The following ADAMTS7 variants were observed in gnomAD, a reference collection of about 807,000 sequenced individuals.
ADAMTS7 encodes A disintegrin and metalloproteinase with thrombospondin motifs 7.
In ADAMTS7, 89 loss-of-function variants were observed where a neutral mutation model predicts 172.6. That is an observed-to-expected ratio of 0.52 (90% CI 0.43 to 0.61). The LOEUF (loss-of-function observed/expected upper bound fraction) is 0.61, where lower values mean the gene tolerates loss of function less well. Ranked by LOEUF, ADAMTS7 falls within the 20% of genes least tolerant of loss-of-function variation. The pLI is 0.00. For synonymous variants in ADAMTS7, 885 were observed against 978.4 expected (o/e 0.90, Z 1.78); for missense variants, 1,973 against 2,355.6 (o/e 0.84, Z 3.36).
At position 78,771,287 on chromosome 15, in the gene ADAMTS7, C is replaced by A. The variant is rs1438133659; in HGVS notation, c.2393G>T (p.Ser798Ile). 6.2e-7 allele frequency: 1 copy of A among 1,612,812 alleles called. No homozygotes were observed. Among genetic ancestry groups the A allele is most frequent in the South Asian group, 1.1e-5 (1 of 90,984 alleles). ...PVWIQLLFQE[S>I]NPGVHYEYTI... ...GTACTCGTAGTGCACCCCAGGGTTG[C>A]TCTCCTGGAACAGCAGCTGGGTGGG... The change falls in exon 16 of 24, where the codon AGC becomes ATC. Residue 798 changes from serine (S) to isoleucine (I), a missense_variant. By Grantham distance (142) the Ser-to-Ile change is moderately radical (BLOSUM62 -2). Transcript: ENST00000388820. The surrounding 1 kb of genome is among the most constrained non-coding windows in gnomAD (Gnocchi z 4.9).
rs61748712 is a variant in ADAMTS7, at chr15:78,788,282, G to A, written c.1271C>T (p.Ala424Val). The change falls in exon 8 of 24, where the codon GCT (alanine) becomes GTT (valine). Residue 424 changes from alanine (A) to valine (V), a missense_variant. Transcript: ENST00000388820. ...GCTGCAGCGGGACCAGGTGAGGGGA[G>A]CGGCGTCGTACAGGAGCTGTGGAGA... ...IMSPQLLYDA[A>V]PLTWSRCSRQ... 1.1e-3 allele frequency: 1,825 copies of A among 1,613,804 alleles called. 23 individuals are homozygous for A. In the African/African-American group the frequency reaches 0.022, roughly 19 times the overall value.
intron 7 of ADAMTS7, among the ~76,000 whole-genome samples, chr15:78,789,335 G>A (rs1391064160): frequency 1.3e-5 from 2 of 152,232 alleles, no homozygotes; most frequent in Non-Finnish European, 2.9e-5. Flanking sequence ...AGGCCACAGA[G>A]CAAACAGGAA....
chr15:78,804,787 G>A (rs923373676), intron 1 of ADAMTS7, among the ~76,000 whole-genome samples: 16 of 152,136 alleles, frequency 1.1e-4, no homozygotes, highest in Non-Finnish European at 8.8e-5. Context: ...GAGCTTCAGC[G>A]GGCCACTAGT....
intron 1 of ADAMTS7, among the ~76,000 whole-genome samples, chr15:78,809,634 T>C (rs1191001967): frequency 2.6e-5 from 4 of 152,130 alleles, no homozygotes; most frequent in Non-Finnish European, 4.4e-5. Context: ...TCCCACGAGG[T>C]TGACCGCACC....
At chr15:78,797,854 C>T in intron 3 of ADAMTS7, 94 bp downstream of exon 3, 1 of 1,415,668 alleles carries the variant, frequency 7.1e-7, no homozygotes, top group Non-Finnish European at 9.6e-7. Context: ...CTAAGGGGCA[C>T]TGGGCATGGG....
At chr15:78,782,414 GC>G (rs1316790148) in intron 8 of ADAMTS7, among the ~76,000 whole-genome samples, 5 of 130,068 alleles carry the variant, frequency 3.8e-5, no homozygotes, top group African/African-American at 1.5e-4. Context: ...TCCACTGGAG[GC>G]CAGCATCCTT....
In ADAMTS7 at chr15:78,767,595, G is replaced by T; in HGVS notation, c.2646-3C>A. Reference sequence around the variant, plus strand: ...GCTGCCACTCACCTGCCCACCACCTGGCGAGGGCACACAGGTGGCATCAGT... The same window carrying T: ...GCTGCCACTCACCTGCCCACCACCTTGCGAGGGCACACAGGTGGCATCAGT... On this transcript the variant is annotated splice_polypyrimidine_tract_variant and splice_region_variant and intron_variant, in intron 17 of 23. Transcript: ENST00000388820. The T allele has an allele frequency of 9.1e-6, 14 of 1,536,622 alleles. No homozygotes were observed. The highest frequency in any genetic ancestry group is 1.2e-5 in the South Asian group (1 of 82,542).
In ADAMTS7 at chr15:78,767,024, G is replaced by A. The variant is rs779766764; in HGVS notation, c.2887C>T (p.Gln963Ter). 6.4e-7 allele frequency: 1 copy of A among 1,568,928 alleles called. No individual in the cohort carries two copies. The highest frequency in any genetic ancestry group is 1.2e-5 in the South Asian group (1 of 82,012). The change falls in exon 19 of 24, where the codon CAG becomes TAG. Residue 963 changes from glutamine to a stop codon, truncating the protein, a stop_gained. Coordinates refer to ENST00000388820, the MANE Select transcript of ADAMTS7 (RefSeq NM_014272.5). LOFTEE classifies it high-confidence loss of function. ...QCSVTCGEGT[Q>*]RRNVLCTNDT... The stretch of plus-strand genomic sequence containing the variant: ...TTGGTGCAGAGGACATTTCGGCGCT[G>A]AGTGCCCTCCCCACATGTCACTGAG...
At chr15:78,804,455 G>C (rs549830074) in intron 1 of ADAMTS7, among the ~76,000 whole-genome samples, 1 of 152,314 alleles carries the variant, frequency 6.6e-6, no homozygotes, top group Admixed American at 6.5e-5. Flanking sequence ...GATCCTGGCT[G>C]TTCACGACAA....
At position 78,766,856 on chromosome 15, in the gene ADAMTS7, C is replaced by T. The variant is rs147309439; in HGVS notation, c.3055G>A (p.Ala1019Thr). 63 of 1,609,804 alleles carry T rather than the reference C, an allele frequency of 3.9e-5. No homozygotes were observed. The African/African-American group carries it at 8.3e-4, about 21-fold the overall frequency. Residue 1019 changes from alanine to threonine, a missense_variant, in exon 19 of 24, where the codon GCT (alanine) becomes ACT (threonine). Coordinates refer to ENST00000388820, the MANE Select transcript of ADAMTS7 (RefSeq NM_014272.5). ...GSSSHELFNE[A>T]DFIPHHLAPR... is the part of the protein sequence containing the mutation. ...GCCAGGTGGTGCGGGATGAAGTCAGCCTCGTTGAAGAGCTCGTGGCTGGAG... is the reference window on the plus strand; with the variant it reads ...GCCAGGTGGTGCGGGATGAAGTCAGTCTCGTTGAAGAGCTCGTGGCTGGAG...
chr15:78,799,031 A>G lies in ADAMTS7; in HGVS notation c.457-918T>C, dbSNP rs1044304866. The stretch of plus-strand genomic sequence containing the variant: ...CCTGTTTCCTCATCTGTGAAATGGG[A>G]ATGATGCCCCATGTGCACAGCTGTG... On this transcript the variant is annotated intron_variant, in intron 2 of 23. Transcript: ENST00000388820. 3.7e-5 allele frequency among the ~76,000 whole-genome samples: 5 copies of G among 134,540 alleles called. No homozygotes were observed. In the Admixed American group the frequency reaches 4.1e-4, roughly 11 times the overall value. 88.3% of individuals were successfully genotyped at this position (134,540 alleles called of 152,430 possible). A position where few individuals can be genotyped will look rare whatever the true frequency, so the allele number is the denominator to read the frequency against.
At chr15:78,762,239 G>A (rs568343011) in intron 23 of ADAMTS7, among the ~76,000 whole-genome samples, 164 bp downstream of exon 23, 85 of 152,348 alleles carry the variant, frequency 5.6e-4, no homozygotes, top group Non-Finnish European at 4.4e-5. Context: ...CTCCAGCATG[G>A]CATCCTGTGG....
At position 78,789,761 on chromosome 15, in the gene ADAMTS7, T is replaced by A; in HGVS notation, c.1106A>T (p.His369Leu). 6.2e-7 allele frequency: 1 copy of A among 1,610,526 alleles called. No individual in the cohort carries two copies. The highest frequency in any genetic ancestry group is 1.1e-5 in the South Asian group (1 of 90,490). ...LSHVAGMCQP[H>L]RSCSINEDTG... ...GTCCTCGTTGATGCTGCAGCTGCGG[T>A]GCGGCTGGCACATGCCCGCCACATG... Residue 369 changes from histidine to leucine, a missense_variant, in exon 7 of 24, where the codon CAC (histidine) becomes CTC (leucine). Coordinates refer to ENST00000388820, the MANE Select transcript of ADAMTS7 (RefSeq NM_014272.5).
Position 78,776,852 on chromosome 15 carries a change from G to T in ADAMTS7, c.1468-11C>A, listed in dbSNP as rs1596185408. ...TGTGTGGCAGACATTCTGCGAGGAGGAGGGCATGGGCCATACCCTCACACC... is the reference window on the plus strand; with the variant it reads ...TGTGTGGCAGACATTCTGCGAGGAGTAGGGCATGGGCCATACCCTCACACC... On this transcript the variant is annotated splice_polypyrimidine_tract_variant and intron_variant, in intron 9 of 23. Transcript: ENST00000388820. 2.0e-6 allele frequency: 3 copies of T among 1,535,490 alleles called. No individual in the cohort carries two copies. The highest frequency in any genetic ancestry group is 2.2e-4 in the Middle Eastern group (1 of 4,544).
intron 8 of ADAMTS7, among the ~76,000 whole-genome samples, chr15:78,780,521 C>A (rs1365673663): frequency 3.3e-5 from 5 of 151,754 alleles, no homozygotes; most frequent in Admixed American, 6.6e-5. Context: ...AAGCAGGGAC[C>A]AGGGCCTCCC....
chr15:78,786,459 C>T (rs972182481), intron 8 of ADAMTS7, among the ~76,000 whole-genome samples: 2 of 152,150 alleles, frequency 1.3e-5, no homozygotes, highest in African/African-American at 4.8e-5. Context: ...CACTGACAGG[C>T]CCAGAGGCTG....
In ADAMTS7 at chr15:78,774,235, C is replaced by T. The variant is rs371852402; in HGVS notation, c.1942G>A (p.Val648Met). 4.4e-6 allele frequency: 7 copies of T among 1,585,252 alleles called. No homozygotes were observed. The highest frequency in any genetic ancestry group is 2.3e-5 in the East Asian group (1 of 44,406). ...EYFAEKLRDA[V>M]VDGTPCYQVR... Reference sequence around the variant, plus strand: ...TGGTAGCAGGGGGTGCCATCGACCACGGCGTCCCGCAGCTTCTCGGCAAAG... The same window carrying T: ...TGGTAGCAGGGGGTGCCATCGACCATGGCGTCCCGCAGCTTCTCGGCAAAG... The change falls in exon 13 of 24, where the codon GTG becomes ATG. Residue 648 changes from valine to methionine, a missense_variant. This residue lies in a region of ADAMTS7 where 526 missense variants were observed against 662.9 expected (regional missense o/e 0.79). Transcript: ENST00000388820.
chr15:78,761,561 G>A (rs893744345), intron 23 of ADAMTS7, among the ~76,000 whole-genome samples: 3 of 152,210 alleles, frequency 2.0e-5, no homozygotes, highest in African/African-American at 7.2e-5. Flanking sequence ...ATGCAAGGAT[G>A]GGGCTTGGCA....
rs906389735 is a variant in ADAMTS7 at position 78,765,764 on chromosome 15, C to T, written c.4147G>A (p.Ala1383Thr). Residue 1383 changes from alanine (A) to threonine (T), a missense_variant, in exon 19 of 24, where the codon GCC becomes ACC. Physicochemically the swap from Ala to Thr is moderately conservative, Grantham distance 58. Coordinates refer to ENST00000388820, the MANE Select transcript of ADAMTS7 (RefSeq NM_014272.5). ...LLSTPAWDSP[A>T]NSHRVPETQP... is the part of the protein sequence containing the mutation. Reference sequence around the variant, plus strand: ...GTCTCAGGGACTCTGTGGCTGTTGGCGGGGCTGTCCCAAGCTGGTGTGGAC... The same window carrying T: ...GTCTCAGGGACTCTGTGGCTGTTGGTGGGGCTGTCCCAAGCTGGTGTGGAC... 91 of 1,609,578 alleles carry T rather than the reference C, an allele frequency of 5.7e-5. No homozygotes were observed. In the Middle Eastern group the frequency reaches 6.7e-4, roughly 12 times the overall value.
Sources: allele counts gnomAD v4.1 joint callset (sites outside exome capture counted in the v4.1 genomes callset), GRCh38; gene constraint gnomAD v4.1.1; regional missense constraint gnomAD v4.1.1; non-coding constraint Gnocchi (gnomAD v3.1); transcripts MANE v1.5; gene names NCBI Gene and HGNC (gene_info 2026-07-23, HGNC 2026-07-21).